The following ADAM32 variants were observed in gnomAD, a reference collection of about 807,000 sequenced individuals.
ADAM32 encodes ADAM metallopeptidase domain 32.
Under a neutral mutation model 114.9 loss-of-function variants are expected in ADAM32, and 89 were observed. That is an observed-to-expected ratio of 0.77 (90% CI 0.65 to 0.92). The LOEUF (loss-of-function observed/expected upper bound fraction) is 0.92. Among genes scored for constraint, ADAM32 ranks in the 40% least tolerant of loss-of-function variants. The pLI, the probability that ADAM32 is intolerant of heterozygous loss-of-function variation, is 0.00. For synonymous variants in ADAM32, 285 were observed against 307.5 expected (o/e 0.93, Z 0.77); for missense variants, 870 against 932.8 (o/e 0.93, Z 0.88).
intron 1 of ADAM32, among the ~76,000 whole-genome samples, chr8:39,113,007 G>C (rs1433526658): frequency 6.6e-6 from 1 of 152,236 alleles, no homozygotes; most frequent in East Asian, 1.9e-4. Context: ...TTCACTCTCT[G>C]AATCTGGTTG....
intron 12 of ADAM32, among the ~76,000 whole-genome samples, chr8:39,213,237 G>A (rs1017985417): frequency 6.6e-6 from 1 of 152,016 alleles, no homozygotes; most frequent in Non-Finnish European, 1.5e-5. Context: ...GGGGGTACAT[G>A]TTATATTTTG....
In ADAM32 at chr8:39,184,513, A is replaced by C. The variant is rs564363067; in HGVS notation, c.916-2396A>C. Among the ~76,000 whole-genome samples, 7 of 152,346 alleles carry C rather than the reference A, an allele frequency of 4.6e-5. No homozygotes were observed. The East Asian group carries it at 1.4e-3, about 29-fold the overall frequency. ...CATAAGCCTGCACTTAGACCAGTAG[A>C]CTAAGGTGGTATTCAGTTTTTCAGG... is the stretch of plus-strand genomic sequence containing the variant. On this transcript the variant is annotated intron_variant, in intron 10 of 24. Coordinates refer to ENST00000379907, the MANE Select transcript of ADAM32 (RefSeq NM_145004.7).
chr8:39,107,554 G>C, upstream of ADAM32: 1 of 1,311,150 alleles, frequency 7.6e-7, no homozygotes, highest in South Asian at 1.6e-5. Context: ...CACGCGGCTG[G>C]GGTGCGCCGG....
At chr8:39,164,938 T>A in intron 8 of ADAM32, 92 bp from the exon 9 acceptor site, 2 of 1,493,598 alleles carry the variant, frequency 1.3e-6, no homozygotes, top group Non-Finnish European at 1.8e-6. Flanking sequence ...CCATATAAAC[T>A]GAGTGTGGGA....
rs372708183 is a variant in ADAM32 at position 39,257,341 on chromosome 8, C to T, written c.2160C>T (p.Ser720=). The T allele has an allele frequency of 9.3e-6, 15 of 1,612,190 alleles. No homozygotes were observed. The highest frequency in any genetic ancestry group is 2.7e-5 in the African/African-American group (2 of 74,746). The change falls in exon 19 of 25, where the codon AGC becomes AGT. Residue 720 remains serine (S), a splice_region_variant and synonymous_variant. Coordinates refer to ENST00000379907, the MANE Select transcript of ADAM32 (RefSeq NM_145004.7). ...WFAKEEEFPS[S]ESKSEGSTQT... ...CCAAGGAAGAGGAATTCCCAAGTAG[C>T]GAGTAAATTGCATTTGTGTTCTGAA...
intron 22 of ADAM32, among the ~76,000 whole-genome samples, chr8:39,278,952 G>A (rs1813259694): frequency 6.6e-6 from 1 of 152,142 alleles, no homozygotes; most frequent in Non-Finnish European, 1.5e-5. Context: ...TTGTTGTAAT[G>A]TGCCATGTAC....
At chr8:39,126,523 T>G (rs1802126496) in intron 2 of ADAM32, among the ~76,000 whole-genome samples, 1 of 152,214 alleles carries the variant, frequency 6.6e-6, no homozygotes, top group Non-Finnish European at 1.5e-5. Context: ...TGCACATTGA[T>G]TTTGTATCCT....
intron 11 of ADAM32, among the ~76,000 whole-genome samples, chr8:39,203,063 A>G (rs969753055): frequency 2.6e-4 from 39 of 152,252 alleles, no homozygotes; most frequent in African/African-American, 9.1e-4. Context: ...TATGTGGTCA[A>G]TTTTGGGATA....
chr8:39,196,246 T>A (rs961810786), intron 11 of ADAM32, among the ~76,000 whole-genome samples: 2 of 152,148 alleles, frequency 1.3e-5, no homozygotes, highest in Non-Finnish European at 2.9e-5. Context: ...TTTGGTGGAA[T>A]CTTTGATTTT....
chr8:39,201,110 C>G (rs986349792), intron 11 of ADAM32, among the ~76,000 whole-genome samples: 1 of 152,120 alleles, frequency 6.6e-6, no homozygotes, highest in Non-Finnish European at 1.5e-5. Context: ...AATGAGGGCT[C>G]TTTTTTGGTT....
chr8:39,173,858 T>C (rs1395825271), intron 10 of ADAM32, among the ~76,000 whole-genome samples: 1 of 152,174 alleles, frequency 6.6e-6, no homozygotes, highest in Admixed American at 6.5e-5. Flanking sequence ...AGGGTCTCAC[T>C]CTGTAGCCCA....
intron 2 of ADAM32, among the ~76,000 whole-genome samples, chr8:39,129,181 G>A (rs937038341): frequency 6.9e-6 from 1 of 145,070 alleles, no homozygotes. Context: ...TCATGCCACT[G>A]CAAATACAGC....
chr8:39,126,997 C>A (rs192354302), intron 2 of ADAM32, among the ~76,000 whole-genome samples: 122 of 152,248 alleles, frequency 8.0e-4, no homozygotes, highest in Non-Finnish European at 1.2e-3. Flanking sequence ...GTTGAACCAA[C>A]CTTGCATCCT....
At chr8:39,253,190 G>T (rs1379707018) in intron 17 of ADAM32, among the ~76,000 whole-genome samples, 1 of 151,540 alleles carries the variant, frequency 6.6e-6, no homozygotes, top group South Asian at 2.1e-4. Context: ...GAAGATGAAA[G>T]ATCAATTTAC....
intron 13 of ADAM32, among the ~76,000 whole-genome samples, chr8:39,222,787 A>C (rs945427320): frequency 1.3e-5 from 2 of 152,138 alleles, no homozygotes; most frequent in Non-Finnish European, 2.9e-5. Flanking sequence ...TGAGACTACA[A>C]ATAAAACTTT....
rs1376845731 is a variant in ADAM32 at position 39,169,915 on chromosome 8, G to T, written c.834-1G>T. On this transcript the variant is annotated splice_acceptor_variant, in intron 9 of 24. Transcript: ENST00000379907. LOFTEE classifies it high-confidence loss of function. ...TTATAAATGTAAATTTATTTATTTAGTTATATGGATTATCCTCGTTATTTG... is the reference window on the plus strand; with the variant it reads ...TTATAAATGTAAATTTATTTATTTATTTATATGGATTATCCTCGTTATTTG... 7 of 1,560,646 alleles carry T rather than the reference G, an allele frequency of 4.5e-6. No individual in the cohort carries two copies. Among genetic ancestry groups the T allele is most frequent in the Non-Finnish European group, 5.3e-6 (6 of 1,141,086 alleles).
chr8:39,159,616 C>T (rs138837421), intron 6 of ADAM32, among the ~76,000 whole-genome samples: 3 of 152,254 alleles, frequency 2.0e-5, no homozygotes, highest in Non-Finnish European at 4.4e-5. Context: ...TTTTCTTGTC[C>T]GTTTTTCCTT....
intron 2 of ADAM32, among the ~76,000 whole-genome samples, chr8:39,127,868 G>A (rs1443818382): frequency 1.3e-5 from 2 of 152,066 alleles, no homozygotes; most frequent in East Asian, 3.8e-4. Flanking sequence ...AGAGATTCTG[G>A]TATGCTGTCT....
chr8:39,141,793 T>C (rs13282588), intron 3 of ADAM32, among the ~76,000 whole-genome samples: 78,239 of 151,880 alleles, frequency 0.52, 21,254 homozygotes, highest in Non-Finnish European at 0.6. Context: ...AGTGGGGTGT[T>C]AAAGTCTCCC....
Sources: allele counts gnomAD v4.1 joint callset (sites outside exome capture counted in the v4.1 genomes callset), GRCh38; gene constraint gnomAD v4.1.1; transcripts MANE v1.5; gene names NCBI Gene and HGNC (gene_info 2026-07-23, HGNC 2026-07-21).